The following STON2 variants were observed in gnomAD, a reference collection of about 807,000 sequenced individuals.
STON2 encodes stonin-2.
A neutral mutation model predicts 65.7 loss-of-function variants in STON2; 29 were observed. That is an observed-to-expected ratio of 0.44 (90% CI 0.33 to 0.60). The LOEUF (loss-of-function observed/expected upper bound fraction) is 0.60, where lower values mean the gene tolerates loss of function less well. STON2 is among the 20% of genes least tolerant of loss of function. The pLI, the probability that STON2 is intolerant of heterozygous loss-of-function variation, is 0.03. For synonymous variants in STON2, 404 were observed against 414.2 expected, an observed-to-expected ratio of 0.98 and a Z score of 0.30; for missense variants, 1,054 against 1,118.1, an observed-to-expected ratio of 0.94 and a Z score of 0.82.
Position 81,278,027 on chromosome 14 carries a change from C to T in STON2, c.1455G>A (p.Trp485Ter). ...GSARSQPRDG[W>*]PMMLRIPEKK... ...TCTCAGGGATCCTCAACATCATTGG[C>T]CACCCGTCACGAGGCTGGGACCGTG... Residue 485 changes from tryptophan (W) to a stop codon, truncating the protein, a stop_gained, in exon 6 of 8, where the codon TGG (tryptophan) becomes TGA (stop). Coordinates refer to ENST00000614646, the MANE Select transcript of STON2 (RefSeq NM_001394390.1). LOFTEE classifies it high-confidence loss of function. 1 of 1,614,164 alleles carries T rather than the reference C, an allele frequency of 6.2e-7. No homozygotes were observed.
intron 1 of STON2, among the ~76,000 whole-genome samples, chr14:81,431,295 C>A (rs1470526834): frequency 2.0e-5 from 3 of 152,184 alleles, no homozygotes; most frequent in African/African-American, 7.2e-5. Context: ...TCACTCACTT[C>A]ATTTTATAAT....
chr14:81,293,609 A>T (rs1895648458), intron 5 of STON2, among the ~76,000 whole-genome samples: 1 of 152,102 alleles, frequency 6.6e-6, no homozygotes, highest in South Asian at 2.1e-4. Flanking sequence ...TGGCTATGTG[A>T]TTTGCTTTAG....
chr14:81,265,957 A>C lies in STON2; in HGVS notation c.*2457T>G. The C allele has an allele frequency of 1.0e-6, 1 of 985,390 alleles. No individual in the cohort carries two copies. The highest frequency in any genetic ancestry group is 1.2e-6 in the Non-Finnish European group (1 of 829,926). 61.0% of individuals were successfully genotyped at this position (985,390 alleles called of 1,614,324 possible). On this transcript the variant is annotated 3_prime_UTR_variant, in exon 8 of 8. Coordinates refer to ENST00000614646, the MANE Select transcript of STON2 (RefSeq NM_001394390.1). ...CTTGCCAACTCTCCAATCCATTTAGATGTTCTATGAGGAATTAATCTCAAA... is the reference window on the plus strand; with the variant it reads ...CTTGCCAACTCTCCAATCCATTTAGCTGTTCTATGAGGAATTAATCTCAAA...
At chr14:81,419,888 T>C (rs1395528197) in intron 2 of STON2, among the ~76,000 whole-genome samples, 1 of 151,986 alleles carries the variant, frequency 6.6e-6, no homozygotes, top group African/African-American at 2.4e-5. Flanking sequence ...AAACTGGCCA[T>C]GGCTTCACAA....
chr14:81,298,265 G>A, intron 5 of STON2, among the ~76,000 whole-genome samples: 1 of 152,058 alleles, frequency 6.6e-6, no homozygotes, highest in Non-Finnish European at 1.5e-5. Flanking sequence ...TCCAGATAAT[G>A]ACTTCCTGTT....
At chr14:81,384,914 ATCTG>A (rs1218588963) in intron 3 of STON2, among the ~76,000 whole-genome samples, 1 of 152,104 alleles carries the variant, frequency 6.6e-6, no homozygotes, top group Non-Finnish European at 1.5e-5. Context: ...CCATTCTTTT[ATCTG>A]TGGCTCCTCT....
chr14:81,335,894 C>T (rs944743241), intron 4 of STON2, among the ~76,000 whole-genome samples: 3 of 152,000 alleles, frequency 2.0e-5, no homozygotes, highest in African/African-American at 4.8e-5. Flanking sequence ...CAGATATACA[C>T]ACAATATTAA....
chr14:81,371,025 CT>C lies in STON2; in HGVS notation c.533del (p.Glu178GlyfsTer27). 1 of 1,613,306 alleles carries C rather than the reference CT, an allele frequency of 6.2e-7. No individual in the cohort carries two copies. Among genetic ancestry groups the C allele is most frequent in the African/African-American group, 1.3e-5 (1 of 75,022 alleles). ...CCCCAGAAGCCTGGCCACTCGTCTGCTCCTCAGCATTGATGAGCTGCAGATC... is the reference window on the plus strand; with the variant it reads ...CCCCAGAAGCCTGGCCACTCGTCTGCCCTCAGCATTGATGAGCTGCAGATC... ...YTDLQLINAE[E>X]QTSGQASGAD... On this transcript the variant is annotated frameshift_variant, in exon 4 of 8. Transcript: ENST00000614646. LOFTEE classifies it high-confidence loss of function.
At chr14:81,404,846 G>A (rs1257677237), upstream of STON2, among the ~76,000 whole-genome samples, 4 of 152,152 alleles carry the variant, frequency 2.6e-5, no homozygotes, top group East Asian at 1.9e-4. Flanking sequence ...CTCTAAAGCA[G>A]TCCATTTTTT....
chr14:81,420,444 G>A (rs1901650028), intron 2 of STON2, among the ~76,000 whole-genome samples: 3 of 152,166 alleles, frequency 2.0e-5, no homozygotes, highest in Admixed American at 2.0e-4. Context: ...CATTCAATAA[G>A]CATTCAGCAT....
intron 4 of STON2, among the ~76,000 whole-genome samples, chr14:81,327,536 G>C (rs1048712864): frequency 6.6e-6 from 1 of 152,126 alleles, no homozygotes; most frequent in Non-Finnish European, 1.5e-5. Flanking sequence ...GAGGCAACTG[G>C]CGTTTGATAA....
intron 2 of STON2, among the ~76,000 whole-genome samples, chr14:81,397,415 A>G (rs1900379771): frequency 6.6e-6 from 1 of 152,224 alleles, no homozygotes; most frequent in Non-Finnish European, 1.5e-5. Context: ...TAAGAAATAT[A>G]AAATTATTAG....
At chr14:81,425,803 G>A (rs1195639567) in intron 2 of STON2, among the ~76,000 whole-genome samples, 1 of 152,178 alleles carries the variant, frequency 6.6e-6, no homozygotes. Flanking sequence ...TCTGATCGCT[G>A]GATGTAATGT....
intron 4 of STON2, among the ~76,000 whole-genome samples, chr14:81,369,700 G>C (rs558480425): frequency 6.6e-6 from 1 of 152,312 alleles, no homozygotes; most frequent in Non-Finnish European, 1.5e-5. Flanking sequence ...GGTCAGTGCA[G>C]AATCAGGGTT....
chr14:81,283,125 C>T lies in STON2; in HGVS notation c.743-4386G>A, dbSNP rs150265481. Reference sequence around the variant, plus strand: ...CAGTCTACACCACAGGGAAAATTTCCAGTACCTAAGAGGTTCCTAGTGTCT... The same window carrying T: ...CAGTCTACACCACAGGGAAAATTTCTAGTACCTAAGAGGTTCCTAGTGTCT... On this transcript the variant is annotated intron_variant, in intron 5 of 7. Transcript: ENST00000614646. Among the ~76,000 whole-genome samples, 204 of 152,260 alleles carry T rather than the reference C, an allele frequency of 1.3e-3. 1 individual carries two copies. Among genetic ancestry groups the T allele is most frequent in the African/African-American group, 4.8e-3 (199 of 41,548 alleles).
rs139864027 is a variant in STON2 at position 81,334,357 on chromosome 14, G to A, written c.572-10170C>T. 5.0e-4 allele frequency among the ~76,000 whole-genome samples: 76 copies of A among 152,216 alleles called. 1 individual carries two copies. Among genetic ancestry groups the A allele is most frequent in the Middle Eastern group, 3.4e-3 (1 of 294 alleles). On this transcript the variant is annotated intron_variant, in intron 4 of 7. Coordinates refer to ENST00000614646, the MANE Select transcript of STON2 (RefSeq NM_001394390.1). ...ACTTAAGTATTAAGATACAATTCAC[G>A]TTCCATCACATACAATGGAGCTTGC...
intron 5 of STON2, among the ~76,000 whole-genome samples, chr14:81,308,824 ATGTGTGTG>A (rs1210133523): frequency 9.6e-4 from 10 of 10,396 alleles, no homozygotes; most frequent in South Asian, 3.9e-3. Flanking sequence ...ATATATATAT[ATGTGTGTG>A]TGTGTATATA....
intron 5 of STON2, among the ~76,000 whole-genome samples, chr14:81,289,740 G>A (rs1268821350): frequency 6.6e-6 from 1 of 152,168 alleles, no homozygotes; most frequent in Non-Finnish European, 1.5e-5. Context: ...AGCTCCTCGG[G>A]GCTGCACTTT....
chr14:81,264,174 G>A lies in STON2; in HGVS notation c.*4240C>T, dbSNP rs1894270728. 1 of 985,236 alleles carries A rather than the reference G, an allele frequency of 1.0e-6. No homozygotes were observed. The highest frequency in any genetic ancestry group is 6.2e-5 in the Admixed American group (1 of 16,256). The allele number at this position is 985,236 out of a possible 1,614,324, so 61.0% of individuals were successfully genotyped here. ...GACAGCATCTATGCTACTATGCTTTGGGGCACAAAAATGTTTTTCAATGTG... is the reference window on the plus strand; with the variant it reads ...GACAGCATCTATGCTACTATGCTTTAGGGCACAAAAATGTTTTTCAATGTG... On this transcript the variant is annotated 3_prime_UTR_variant, in exon 8 of 8. Coordinates refer to ENST00000614646, the MANE Select transcript of STON2 (RefSeq NM_001394390.1).
Sources: gnomAD v4.1 joint callset for allele counts (sites outside exome capture counted in the v4.1 genomes callset) on GRCh38, gnomAD v4.1.1 for gene constraint, MANE v1.5 for transcripts, NCBI Gene and HGNC (gene_info 2026-07-23, HGNC 2026-07-21) for gene names.